The following CDH18 variants were observed in gnomAD, a reference collection of about 807,000 sequenced individuals.
CDH18 encodes cadherin 18, also known as cadherin-18.
CDH18 carries 31 observed loss-of-function variants against 67.9 expected under a neutral mutation model. That is an observed-to-expected ratio of 0.46 (90% CI 0.34 to 0.62). CDH18 has a LOEUF of 0.62. CDH18 is among the 20% of genes least tolerant of loss of function. The pLI is 0.01. For synonymous variants in CDH18, 362 were observed against 347.2 expected (o/e 1.04, Z -0.48); for missense variants, 890 against 975.5 (o/e 0.91, Z 1.17).
intron 3 of CDH18, among the ~76,000 whole-genome samples, chr5:19,758,774 G>T (rs1771965837): frequency 6.6e-6 from 1 of 152,204 alleles, no homozygotes; most frequent in South Asian, 2.1e-4. Flanking sequence ...TACTGAAGTA[G>T]AAGGTCCTTG....
At chr5:20,025,411 A>G (rs888485863) in intron 2 of CDH18, among the ~76,000 whole-genome samples, 15 of 152,194 alleles carry the variant, frequency 9.9e-5, no homozygotes, top group Admixed American at 7.2e-4. Flanking sequence ...AATAAAATAT[A>G]TAAATATAAT....
At chr5:20,366,670 CA>C (rs1156395836) in intron 1 of CDH18, among the ~76,000 whole-genome samples, 1 of 152,150 alleles carries the variant, frequency 6.6e-6, no homozygotes, top group Non-Finnish European at 1.5e-5. Flanking sequence ...AATTCATCAA[CA>C]GAGTTGTTGT....
chr5:20,284,446 C>A (rs762775992), intron 1 of CDH18, among the ~76,000 whole-genome samples: 9 of 151,896 alleles, frequency 5.9e-5, no homozygotes, highest in Non-Finnish European at 1.3e-4. Flanking sequence ...TACAGTTTTT[C>A]TAACAAACAG....
intron 5 of CDH18, among the ~76,000 whole-genome samples, chr5:19,628,852 A>C (rs1281835879): frequency 6.6e-6 from 1 of 152,118 alleles, no homozygotes; most frequent in East Asian, 1.9e-4. Flanking sequence ...AAAGAGGCTC[A>C]AATACTGGAT....
chr5:19,672,539 T>C (rs1580801575), intron 5 of CDH18, among the ~76,000 whole-genome samples: 2 of 152,126 alleles, frequency 1.3e-5, no homozygotes, highest in African/African-American at 4.8e-5. Flanking sequence ...TTTTTATCTA[T>C]GTAATTCCTG....
Position 20,279,725 on chromosome 5 carries a change from A to AAAAAAAAAAAAAAAAAC in CDH18, c.-579-24221_-579-24220insGTTTTTTTTTTTTTTTT, listed in dbSNP as rs59764100. ...AAAAAAAAAAAAAAAAAAAAAAAAA[A>AAAAAAAAAAAAAAAAAC]AAAGCAAAAACTGTAAGAGCGAGAT... On this transcript the variant is annotated intron_variant, in intron 1 of 14. Coordinates refer to the CDH18 transcript ENST00000507958. 3.1e-4 allele frequency among the ~76,000 whole-genome samples: 40 copies of AAAAAAAAAAAAAAAAAC among 128,858 alleles called. 3 individuals carry two copies. Among genetic ancestry groups the AAAAAAAAAAAAAAAAAC allele is most frequent in the African/African-American group, 7.2e-4 (21 of 29,356 alleles). 84.5% of individuals were successfully genotyped at this position (128,858 alleles called of 152,430 possible). A position where few individuals can be genotyped will look rare whatever the true frequency, so the allele number is the denominator to read the frequency against.
intron 3 of CDH18, among the ~76,000 whole-genome samples, chr5:19,801,495 C>T (rs1054495028): frequency 1.3e-5 from 2 of 152,080 alleles, no homozygotes; most frequent in Non-Finnish European, 2.9e-5. Context: ...TATTGATATC[C>T]AAGTCCTATT....
intron 2 of CDH18, among the ~76,000 whole-genome samples, chr5:19,905,703 G>A (rs1297850461): frequency 6.6e-6 from 1 of 151,816 alleles, no homozygotes; most frequent in Non-Finnish European, 1.5e-5. Context: ...TCAGTTGGGG[G>A]TGACTTAGCA....
chr5:19,648,504 T>C (rs1580692138), intron 5 of CDH18, among the ~76,000 whole-genome samples: 1 of 152,276 alleles, frequency 6.6e-6, no homozygotes, highest in East Asian at 1.9e-4. Flanking sequence ...ATATCAGTGA[T>C]CAATTTTTAT....
At chr5:20,393,186 A>T (rs1745009954) in intron 1 of CDH18, among the ~76,000 whole-genome samples, 1 of 151,970 alleles carries the variant, frequency 6.6e-6, no homozygotes, top group African/African-American at 2.4e-5. Context: ...CATAGGATAA[A>T]GATAGTGTGG....
Position 19,896,946 on chromosome 5 carries a change from A to G in CDH18, c.-256-57704T>C, listed in dbSNP as rs187485977. Among the ~76,000 whole-genome samples the G allele has an allele frequency of 4.6e-5, 7 of 152,284 alleles. No homozygotes were observed. In the East Asian group the frequency reaches 1.4e-3, roughly 29 times the overall value. On this transcript the variant is annotated intron_variant, in intron 2 of 12. Coordinates refer to ENST00000382275, the MANE Select transcript of CDH18 (RefSeq NM_004934.5). Reference sequence around the variant, plus strand: ...AATCTATACTTATCTCAAAATTAAAATTTAATTTAAAAGATGATAGAGTTG... The same window carrying G: ...AATCTATACTTATCTCAAAATTAAAGTTTAATTTAAAAGATGATAGAGTTG...
rs70954644 is a variant in CDH18, at chr5:20,250,589, C to CTTT, written c.-518+4852_-518+4854dup. 3.0e-4 allele frequency among the ~76,000 whole-genome samples: 10 copies of CTTT among 33,568 alleles called. 1 individual carries two copies. Among genetic ancestry groups the CTTT allele is most frequent in the African/African-American group, 1.1e-3 (7 of 6,468 alleles). 22.0% of individuals were successfully genotyped at this position (33,568 alleles called of 152,430 possible). A position where few individuals can be genotyped will look rare whatever the true frequency, so the allele number is the denominator to read the frequency against. On this transcript the variant is annotated intron_variant, in intron 2 of 14. Transcript: ENST00000507958. ...TACAGGCGTGAGCCACGGCCCATGG[C>CTTT]TTTTTTTTTTTTTTTTTTTTTTTTT...
At chr5:19,858,906 A>G (rs1784568182) in intron 2 of CDH18, among the ~76,000 whole-genome samples, 1 of 152,168 alleles carries the variant, frequency 6.6e-6, no homozygotes, top group Admixed American at 6.6e-5. Flanking sequence ...TGAGCATACA[A>G]CTAGGGTTGC....
intron 9 of CDH18, among the ~76,000 whole-genome samples, chr5:19,538,656 A>G (rs1303503501): frequency 6.6e-6 from 1 of 152,152 alleles, no homozygotes; most frequent in Admixed American, 6.6e-5. Flanking sequence ...CCATATTAGA[A>G]TAAGCACAGA....
chr5:20,016,825 T>C (rs953596106), intron 2 of CDH18, among the ~76,000 whole-genome samples: 4 of 152,268 alleles, frequency 2.6e-5, no homozygotes, highest in East Asian at 3.9e-4. Context: ...TTTGTCACTA[T>C]GGATCACGGC....
intron 1 of CDH18, among the ~76,000 whole-genome samples, chr5:20,282,559 G>A (rs538797156): frequency 6.6e-6 from 1 of 152,244 alleles, no homozygotes; most frequent in South Asian, 2.1e-4. Flanking sequence ...TCCCAGGGAT[G>A]AAGCCCACTT....
chr5:19,777,516 C>T (rs1211457082), intron 3 of CDH18, among the ~76,000 whole-genome samples: 1 of 152,122 alleles, frequency 6.6e-6, no homozygotes, highest in East Asian at 1.9e-4. Flanking sequence ...AAGATTCACA[C>T]AGTTGGCCGG....
intron 3 of CDH18, among the ~76,000 whole-genome samples, chr5:19,754,858 A>T (rs568129065): frequency 6.6e-6 from 1 of 152,284 alleles, no homozygotes; most frequent in South Asian, 2.1e-4. Context: ...CTTCAAAAGG[A>T]ACCTTTGAAC....
intron 5 of CDH18, among the ~76,000 whole-genome samples, chr5:19,623,110 T>C (rs1750966543): frequency 1.3e-5 from 2 of 152,208 alleles, no homozygotes; most frequent in Admixed American, 6.5e-5. Context: ...GCATGACATA[T>C]AGAGAAACAA....
Sources: allele counts gnomAD v4.1 joint callset (sites outside exome capture counted in the v4.1 genomes callset), GRCh38; gene constraint gnomAD v4.1.1; transcripts MANE v1.5; gene names NCBI Gene and HGNC (gene_info 2026-07-23, HGNC 2026-07-21).